Variants in CNTNAP2 observed in about 807,000 individuals in gnomAD.
CNTNAP2 encodes contactin-associated protein-like 2.
CNTNAP2 carries 98 observed loss-of-function variants against 155.2 expected under a neutral mutation model. The ratio of observed to expected loss-of-function variants is 0.63; its 90% CI spans 0.54 to 0.75. The LOEUF is 0.75. CNTNAP2 is among the 30% of genes least tolerant of loss of function. The pLI, the probability that CNTNAP2 is intolerant of heterozygous loss-of-function variation, is 0.00. For synonymous variants in CNTNAP2, 651 were observed against 631.2 expected (o/e 1.03, Z -0.47); for missense variants, 1,727 against 1,688.1 (o/e 1.02, Z -0.40).
chr7:148,338,931 G>T (rs1798171979), intron 21 of CNTNAP2, among the ~76,000 whole-genome samples: 1 of 152,100 alleles, frequency 6.6e-6, no homozygotes. Flanking sequence ...GAGTGAAGGA[G>T]GCCACACAGC....
At chr7:147,396,419 C>T (rs1320617806) in intron 10 of CNTNAP2, among the ~76,000 whole-genome samples, 1 of 151,762 alleles carries the variant, frequency 6.6e-6, no homozygotes, top group Non-Finnish European at 1.5e-5. Context: ...AGGAATATTA[C>T]AAAAGTGTCA....
At chr7:146,913,535 G>T (rs1041029627) in intron 3 of CNTNAP2, among the ~76,000 whole-genome samples, 3 of 152,090 alleles carry the variant, frequency 2.0e-5, no homozygotes, top group Non-Finnish European at 4.4e-5. Flanking sequence ...TGCCAGCATG[G>T]TTGAGTTTTT....
chr7:148,058,584 G>A (rs1049515048), intron 15 of CNTNAP2, among the ~76,000 whole-genome samples: 1 of 152,106 alleles, frequency 6.6e-6, no homozygotes, highest in African/African-American at 2.4e-5. Flanking sequence ...AGGCAGAAAT[G>A]GAGCATGCAC....
chr7:146,403,165 A>G (rs1008467059), intron 1 of CNTNAP2, among the ~76,000 whole-genome samples: 5 of 152,106 alleles, frequency 3.3e-5, no homozygotes, highest in Non-Finnish European at 7.4e-5. Context: ...ATTCACATCA[A>G]TTTTTAATTA....
intron 17 of CNTNAP2, among the ~76,000 whole-genome samples, chr7:148,161,453 G>C (rs149305800): frequency 1.1e-4 from 16 of 152,072 alleles, no homozygotes; most frequent in African/African-American, 3.9e-4. Context: ...AAAGTTGAGG[G>C]GGCAAAGAAA....
At position 148,117,382 on chromosome 7, in the gene CNTNAP2, G is replaced by A. The variant is rs78951594; in HGVS notation, c.2384-736G>A. Among the ~76,000 whole-genome samples, 3,657 of 152,232 alleles carry A rather than the reference G, an allele frequency of 0.024. 260 individuals are homozygous for A. The East Asian group carries it at 0.27, about 11-fold the overall frequency. ...ACCTCTGAGAGTTTGGCGCAGGAGA[G>A]GTGAGGAAACTGCCCTAGCCTAGTC... On this transcript the variant is annotated intron_variant, in intron 15 of 23. Coordinates refer to ENST00000361727, the MANE Select transcript of CNTNAP2 (RefSeq NM_014141.6).
intron 1 of CNTNAP2, among the ~76,000 whole-genome samples, chr7:146,408,978 A>G (rs802201): frequency 0.034 from 5,118 of 152,218 alleles, 306 homozygotes; most frequent in African/African-American, 0.12. Context: ...CATCTGGAGA[A>G]TAGACACAAT....
intron 1 of CNTNAP2, among the ~76,000 whole-genome samples, chr7:146,607,638 G>A (rs774406099): frequency 4.6e-5 from 7 of 151,600 alleles, no homozygotes; most frequent in East Asian, 1.9e-4. Flanking sequence ...ATCATATCTC[G>A]CTAATTTTTT....
chr7:147,521,787 C>T (rs532310685), intron 11 of CNTNAP2, among the ~76,000 whole-genome samples: 88 of 152,206 alleles, frequency 5.8e-4, no homozygotes, highest in South Asian at 1.2e-3. Context: ...TGAGACCAGG[C>T]GCTTTTATGA....
At chr7:147,560,142 T>C (rs776456534) in intron 11 of CNTNAP2, among the ~76,000 whole-genome samples, 1 of 98,512 alleles carries the variant, frequency 1.0e-5, no homozygotes, top group Non-Finnish European at 1.9e-5. Context: ...CATTCCAGCC[T>C]GGGCAACAAG....
intron 13 of CNTNAP2, among the ~76,000 whole-genome samples, chr7:147,770,400 G>A (rs1465222349): frequency 6.6e-6 from 1 of 152,142 alleles, no homozygotes; most frequent in Non-Finnish European, 1.5e-5. Context: ...TGGGGAAATG[G>A]ATAAGATAAA....
chr7:146,651,947 C>A (rs556951582), intron 1 of CNTNAP2, among the ~76,000 whole-genome samples: 21 of 152,152 alleles, frequency 1.4e-4, no homozygotes, highest in Non-Finnish European at 2.4e-4. Flanking sequence ...TTATGATAGG[C>A]TGGCTATCCT....
chr7:147,026,532 C>T (rs1039577081), intron 3 of CNTNAP2, among the ~76,000 whole-genome samples: 42 of 151,032 alleles, frequency 2.8e-4, no homozygotes. Flanking sequence ...TATAATAATA[C>T]TTAAATATGG....
intron 10 of CNTNAP2, among the ~76,000 whole-genome samples, chr7:147,414,471 T>C (rs58307467): frequency 0.022 from 3,274 of 149,620 alleles, 136 homozygotes; most frequent in African/African-American, 0.076. Context: ...CAATATAATA[T>C]AACAAAATAT....
chr7:146,842,994 CTTTTTTTTTTTTTTTTTTTTTTT>C (rs35387068), intron 3 of CNTNAP2, among the ~76,000 whole-genome samples: 1 of 13,636 alleles, frequency 7.3e-5, no homozygotes, highest in African/African-American at 2.9e-4. Flanking sequence ...CTGTCCCACA[CTTTTTTTTTTTTTTTTTTTTTTT>C]TTTTTTGAGA....
chr7:147,978,004 C>A lies in CNTNAP2; in HGVS notation c.2383+15C>A, dbSNP rs748783925. On this transcript the variant is annotated intron_variant, in intron 15 of 23. Transcript: ENST00000361727. Reference sequence around the variant, plus strand: ...CCAAGGAGACAGTAAGTTTGCATAGCAGCTATGGCTTGCACTTTCTTATCC... The same window carrying A: ...CCAAGGAGACAGTAAGTTTGCATAGAAGCTATGGCTTGCACTTTCTTATCC... The A allele has an allele frequency of 6.2e-7, 1 of 1,613,750 alleles. No homozygotes were observed. The highest frequency in any genetic ancestry group is 1.1e-5 in the South Asian group (1 of 91,058).
chr7:147,926,707 C>T (rs569087523), intron 14 of CNTNAP2, among the ~76,000 whole-genome samples: 6 of 151,484 alleles, frequency 4.0e-5, no homozygotes, highest in Non-Finnish European at 8.8e-5. Flanking sequence ...AAATGTCAAA[C>T]GGGAAAGTAA....
chr7:148,305,067 A>AAAAG (rs1797464777), intron 21 of CNTNAP2, among the ~76,000 whole-genome samples: 1 of 148,538 alleles, frequency 6.7e-6, no homozygotes. Context: ...AAAAAAAAAA[A>AAAAG]AAGACATTAA....
chr7:147,120,947 G>A, intron 5 of CNTNAP2, 32 bp from the exon 6 acceptor site: 1 of 1,606,586 alleles, frequency 6.2e-7, no homozygotes, highest in Non-Finnish European at 8.5e-7. Flanking sequence ...TAGCATCATT[G>A]CATTGTTTCT....
Sources: gnomAD v4.1 joint callset for allele counts (sites outside exome capture counted in the v4.1 genomes callset) on GRCh38, gnomAD v4.1.1 for gene constraint, MANE v1.5 for transcripts, NCBI Gene and HGNC (gene_info 2026-07-23, HGNC 2026-07-21) for gene names.